The following VEGFC variants were observed in gnomAD, a reference collection of about 807,000 sequenced individuals.
VEGFC encodes the protein FLT4 ligand DHM.
A neutral mutation model predicts 46.1 loss-of-function variants in VEGFC; 12 were observed. That is an observed-to-expected ratio of 0.26 (90% CI 0.17 to 0.42). The LOEUF (loss-of-function observed/expected upper bound fraction) is 0.42, where lower values mean the gene tolerates loss of function less well. Ranked by LOEUF, VEGFC falls within the 10% of genes least tolerant of loss-of-function variation. The pLI is 1.00. For synonymous variants in VEGFC, 232 were observed against 195.5 expected, an observed-to-expected ratio of 1.19 and a Z score of -1.56; for missense variants, 488 against 529.4, an observed-to-expected ratio of 0.92 and a Z score of 0.77.
At chr4:176,692,460 C>T (rs1249947546) in intron 4 of VEGFC, among the ~76,000 whole-genome samples, 1 of 135,694 alleles carries the variant, frequency 7.4e-6, no homozygotes, top group Non-Finnish European at 1.5e-5. Context: ...ATACCCGCAC[C>T]TGGCTCGAGG....
intron 1 of VEGFC, among the ~76,000 whole-genome samples, chr4:176,788,083 C>T (rs1361606406): frequency 6.6e-6 from 1 of 152,174 alleles, no homozygotes; most frequent in Non-Finnish European, 1.5e-5. Flanking sequence ...TTGTTCTTTC[C>T]AAATCCACTT....
intron 1 of VEGFC, among the ~76,000 whole-genome samples, chr4:176,774,076 T>C (rs905603582): frequency 6.6e-6 from 1 of 152,114 alleles, no homozygotes; most frequent in African/African-American, 2.4e-5. Flanking sequence ...GAATATTAAA[T>C]AAATGACAAG....
chr4:176,730,768 T>C (rs910995100), intron 1 of VEGFC, among the ~76,000 whole-genome samples: 6 of 152,142 alleles, frequency 3.9e-5, no homozygotes, highest in African/African-American at 1.2e-4. Context: ...AAAATGAACA[T>C]ATTTGCCTTA....
At chr4:176,740,114 T>C (rs1224153044) in intron 1 of VEGFC, among the ~76,000 whole-genome samples, 3 of 127,308 alleles carry the variant, frequency 2.4e-5, no homozygotes, top group East Asian at 4.5e-4. Flanking sequence ...ATTCTATATA[T>C]ATATTCTATA....
At chr4:176,713,732 G>C (rs1734654276) in intron 3 of VEGFC, among the ~76,000 whole-genome samples, 1 of 152,150 alleles carries the variant, frequency 6.6e-6, no homozygotes, top group Non-Finnish European at 1.5e-5. Context: ...TGGGGCACAG[G>C]AACATCTATG....
intron 4 of VEGFC, among the ~76,000 whole-genome samples, chr4:176,710,358 C>T: frequency 6.6e-6 from 1 of 152,096 alleles, no homozygotes; most frequent in Non-Finnish European, 1.5e-5. Context: ...TGGTAGTGGT[C>T]TCTTGCTTGT....
chr4:176,738,657 C>T (rs1415655304), intron 1 of VEGFC, among the ~76,000 whole-genome samples: 4 of 152,074 alleles, frequency 2.6e-5, no homozygotes, highest in East Asian at 1.9e-4. Context: ...GATTTCATGA[C>T]GAAGACGCCA....
chr4:176,686,151 G>A (rs548467986), intron 6 of VEGFC, among the ~76,000 whole-genome samples: 16 of 152,314 alleles, frequency 1.1e-4, no homozygotes, highest in Admixed American at 5.2e-4. Context: ...ACAATGTCAT[G>A]TCATAGAAGA....
chr4:176,742,885 A>C (rs1236528662), intron 1 of VEGFC, among the ~76,000 whole-genome samples: 3 of 152,032 alleles, frequency 2.0e-5, no homozygotes, highest in African/African-American at 7.2e-5. Context: ...TATGGCAAGA[A>C]CTCAGTCAGG....
intron 1 of VEGFC, among the ~76,000 whole-genome samples, chr4:176,751,317 T>A (rs182929877): frequency 6.6e-6 from 1 of 152,114 alleles, no homozygotes; most frequent in East Asian, 1.9e-4. Context: ...AATAGCTCTT[T>A]ATAGAATGGA....
chr4:176,765,303 T>C (rs549285894), intron 1 of VEGFC, among the ~76,000 whole-genome samples: 5 of 151,006 alleles, frequency 3.3e-5, no homozygotes, highest in African/African-American at 9.7e-5. Context: ...TAGACATAGA[T>C]GATTGGAAAA....
At chr4:176,726,725 C>A (rs900695200) in intron 3 of VEGFC, among the ~76,000 whole-genome samples, 2 of 152,104 alleles carry the variant, frequency 1.3e-5, no homozygotes, top group Admixed American at 1.3e-4. Context: ...TCTATTAATA[C>A]TATATTGAAA....
rs1444161043 is a variant in VEGFC at position 176,684,010 on chromosome 4, C to T, written c.1176G>A (p.Gln392=). The T allele has an allele frequency of 1.9e-6, 3 of 1,614,120 alleles. No individual in the cohort carries two copies. In the African/African-American group the frequency reaches 4.0e-5, roughly 22 times the overall value. ...SCYRRPCTNR[Q]KACEPGFSYS... Reference sequence around the variant, plus strand: ...ATGAAAATCCTGGCTCACAAGCCTTCTGGCGGTTCGTACATGGCCGTCTGT... The same window carrying T: ...ATGAAAATCCTGGCTCACAAGCCTTTTGGCGGTTCGTACATGGCCGTCTGT... Residue 392 remains glutamine, a synonymous_variant, in exon 7 of 7, where the codon CAG becomes CAA. Coordinates refer to ENST00000618562, the MANE Select transcript of VEGFC (RefSeq NM_005429.5).
intron 1 of VEGFC, among the ~76,000 whole-genome samples, chr4:176,790,997 T>C (rs1332646955): frequency 6.6e-6 from 1 of 152,198 alleles, no homozygotes; most frequent in Non-Finnish European, 1.5e-5. Flanking sequence ...CATTTTAATG[T>C]TTTCCCAAAA....
intron 1 of VEGFC, among the ~76,000 whole-genome samples, chr4:176,767,420 C>T (rs1006695932): frequency 1.3e-5 from 2 of 152,202 alleles, no homozygotes; most frequent in African/African-American, 4.8e-5. Flanking sequence ...TGGTGCCTCA[C>T]CATAGTGAGA....
chr4:176,764,129 A>G (rs1236053368), intron 1 of VEGFC, among the ~76,000 whole-genome samples: 1 of 152,232 alleles, frequency 6.6e-6, no homozygotes, highest in Non-Finnish European at 1.5e-5. Context: ...ATTTGAAGAT[A>G]TAACCATAGA....
At chr4:176,736,176 A>G (rs1236260516) in intron 1 of VEGFC, among the ~76,000 whole-genome samples, 1 of 151,876 alleles carries the variant, frequency 6.6e-6, no homozygotes, top group Admixed American at 6.6e-5. Flanking sequence ...AGAAGACCAC[A>G]TGCTTTTGGA....
Position 176,693,288 on chromosome 4 carries a change from T to C in VEGFC, c.705-5361A>G, listed in dbSNP as rs377263773. ...AATACAGAGAAGTGCTTAAAGGAGC[T>C]GATGGAGCTGAAAACCAAGGCTCGA... On this transcript the variant is annotated intron_variant, in intron 4 of 6. Transcript: ENST00000618562. 5.8e-5 allele frequency among the ~76,000 whole-genome samples: 8 copies of C among 137,120 alleles called. No homozygotes were observed. In the East Asian group the frequency reaches 1.0e-3, roughly 17 times the overall value. The allele number at this position is 137,120 out of a possible 152,430, so 90.0% of individuals were successfully genotyped here. A position where few individuals can be genotyped will look rare whatever the true frequency, so the allele number is the denominator to read the frequency against.
intron 4 of VEGFC, among the ~76,000 whole-genome samples, chr4:176,700,737 G>C (rs981747597): frequency 2.6e-5 from 4 of 152,142 alleles, no homozygotes; most frequent in African/African-American, 9.7e-5. Context: ...ATGGTTATTG[G>C]ATTTATCAGC....
Sources: allele counts gnomAD v4.1 joint callset (sites outside exome capture counted in the v4.1 genomes callset), GRCh38; gene constraint gnomAD v4.1.1; transcripts MANE v1.5; gene names NCBI Gene and HGNC (gene_info 2026-07-23, HGNC 2026-07-21).